CDIN1: variants seen among roughly 807,000 people sequenced by gnomAD.
CDIN1 encodes the protein CDAN1-interacting nuclease 1.
CDIN1 carries 33 observed loss-of-function variants against 45.3 expected under a neutral mutation model. The observed-to-expected ratio is 0.73, with a 90% CI of 0.55 to 0.97. The LOEUF is 0.97. CDIN1 is among the 50% of genes least tolerant of loss of function. The probability of loss-of-function intolerance (pLI) is 0.00; values close to 1 mark genes in which losing one functional copy is unlikely to be tolerated. For synonymous variants in CDIN1, 118 were observed against 124.4 expected (o/e 0.95, Z 0.34); for missense variants, 303 against 339.4 (o/e 0.89, Z 0.84).
intron 1 of CDIN1, among the ~76,000 whole-genome samples, chr15:36,622,662 T>C (rs1170451960): frequency 6.6e-6 from 1 of 152,240 alleles, no homozygotes; most frequent in African/African-American, 2.4e-5. Flanking sequence ...ATGGGACTTA[T>C]CCTTGGATGC....
rs990616056 is a variant in CDIN1 at position 36,684,244 on chromosome 15, G to A, written c.347-7441G>A. ...GATAGCTCTTATTATTTTGAAATAC[G>A]TCCCATCAATACCTAATTTATTGAG... On this transcript the variant is annotated intron_variant, in intron 5 of 10. Coordinates refer to ENST00000566621, the MANE Select transcript of CDIN1 (RefSeq NM_001321759.2). 1.9e-3 allele frequency among the ~76,000 whole-genome samples: 288 copies of A among 151,102 alleles called. 2 individuals carry two copies. Among genetic ancestry groups the A allele is most frequent in the South Asian group, 0.013 (60 of 4,734 alleles).
chr15:36,594,522 A>G, intron 1 of CDIN1, among the ~76,000 whole-genome samples: 1 of 152,300 alleles, frequency 6.6e-6, no homozygotes, highest in East Asian at 1.9e-4. Flanking sequence ...GGACGATTGT[A>G]TTCTGCACTG....
chr15:36,770,877 A>C (rs2054059521), intron 10 of CDIN1, among the ~76,000 whole-genome samples: 1 of 152,226 alleles, frequency 6.6e-6, no homozygotes, highest in African/African-American at 2.4e-5. Context: ...CCTGGTAGCT[A>C]TAAAAATGCT....
intron 10 of CDIN1, among the ~76,000 whole-genome samples, chr15:36,710,875 G>A (rs2043033246): frequency 6.6e-6 from 1 of 152,120 alleles, no homozygotes; most frequent in South Asian, 2.1e-4. Flanking sequence ...TTGTTACTCA[G>A]CTTTACAAAA....
chr15:36,677,827 G>T (rs1162022289), intron 5 of CDIN1, among the ~76,000 whole-genome samples: 5 of 152,160 alleles, frequency 3.3e-5, no homozygotes, highest in Admixed American at 6.6e-5. Flanking sequence ...GAAGTTGTGT[G>T]TGTGAGTGTG....
At chr15:36,700,290 TATTGC>T (rs1206708835) in intron 8 of CDIN1, among the ~76,000 whole-genome samples, 2 of 152,206 alleles carry the variant, frequency 1.3e-5, no homozygotes, top group African/African-American at 4.8e-5. Context: ...TCAAGCACCG[TATTGC>T]ATGTGTGATC....
intron 8 of CDIN1, among the ~76,000 whole-genome samples, chr15:36,700,265 T>C (rs1038290376): frequency 6.6e-6 from 1 of 152,192 alleles, no homozygotes; most frequent in Non-Finnish European, 1.5e-5. Flanking sequence ...CACTCTGTGC[T>C]CCCAGTGCTC....
chr15:36,657,721 T>TA, intron 4 of CDIN1, 112 bp from the exon 5 acceptor site: 1 of 760,872 alleles, frequency 1.3e-6, no homozygotes, highest in Non-Finnish European at 2.1e-6. Flanking sequence ...TAATGAATGA[T>TA]GCTTGCTATG....
At chr15:36,643,791 T>C (rs1228025606) in intron 1 of CDIN1, among the ~76,000 whole-genome samples, 2 of 152,226 alleles carry the variant, frequency 1.3e-5, no homozygotes, top group Non-Finnish European at 2.9e-5. Context: ...CAGTGACCAC[T>C]GTGCTACTTC....
chr15:36,620,882 C>A (rs181006454), intron 1 of CDIN1, among the ~76,000 whole-genome samples: 1 of 152,062 alleles, frequency 6.6e-6, no homozygotes, highest in East Asian at 1.9e-4. Context: ...CCAAAAAATA[C>A]AGTTTGGAAT....
intron 1 of CDIN1, among the ~76,000 whole-genome samples, chr15:36,628,461 C>G: frequency 6.6e-6 from 1 of 152,234 alleles, no homozygotes; most frequent in East Asian, 1.9e-4. Flanking sequence ...TATATTCTTT[C>G]CAATATAGAT....
chr15:36,790,277 G>A (rs1183329883), intron 10 of CDIN1: 1 of 152,224 alleles, frequency 6.6e-6, no homozygotes, highest in Non-Finnish European at 1.5e-5. Context: ...ATCTTTCCCA[G>A]CTCTAAACTC....
chr15:36,717,913 C>T lies in CDIN1; in HGVS notation c.716+7952C>T, dbSNP rs904948786. On this transcript the variant is annotated intron_variant, in intron 10 of 10. Coordinates refer to ENST00000566621, the MANE Select transcript of CDIN1 (RefSeq NM_001321759.2). ...ATGTGTTAATGTGATTTTTAATTTG[C>T]ATTTTTCTAATGATAAATTATATTG... 1.4e-4 allele frequency among the ~76,000 whole-genome samples: 22 copies of T among 152,046 alleles called. No homozygotes were observed. In the South Asian group the frequency reaches 1.5e-3, roughly 10 times the overall value.
chr15:36,686,359 A>G (rs1006336060), intron 5 of CDIN1, among the ~76,000 whole-genome samples: 2 of 139,336 alleles, frequency 1.4e-5, no homozygotes, highest in African/African-American at 2.7e-5. Context: ...GAATTGAGCA[A>G]TGAGAACACA....
chr15:36,594,875 A>G, intron 1 of CDIN1: 1 of 985,416 alleles, frequency 1.0e-6, no homozygotes, highest in Non-Finnish European at 1.2e-6. Context: ...TGGCTCTTTA[A>G]TACCACCCCA....
At chr15:36,647,969 G>A (rs181518603) in intron 3 of CDIN1, among the ~76,000 whole-genome samples, 5 of 151,740 alleles carry the variant, frequency 3.3e-5, no homozygotes, top group Admixed American at 6.6e-5. Context: ...CCTCCTGGGT[G>A]GCTGGGACTA....
At chr15:36,803,764 T>C (rs1031967551) in intron 10 of CDIN1, among the ~76,000 whole-genome samples, 5 of 152,292 alleles carry the variant, frequency 3.3e-5, no homozygotes, top group Admixed American at 6.5e-5. Flanking sequence ...TTAGTGAACC[T>C]TGACTGTTCA....
At chr15:36,706,069 T>G (rs1046531085) in intron 8 of CDIN1, 3 of 152,214 alleles carry the variant, frequency 2.0e-5, no homozygotes, top group African/African-American at 7.2e-5. Flanking sequence ...TAGTTTCCAC[T>G]TAGAAAATTC....
At chr15:36,804,412 A>G (rs1387618636) in intron 10 of CDIN1, among the ~76,000 whole-genome samples, 1 of 152,046 alleles carries the variant, frequency 6.6e-6, no homozygotes. Flanking sequence ...AAGCTGTCTG[A>G]TCATCTTAGT....
Sources: allele counts gnomAD v4.1 joint callset (sites outside exome capture counted in the v4.1 genomes callset), GRCh38; gene constraint gnomAD v4.1.1; transcripts MANE v1.5; gene names NCBI Gene and HGNC (gene_info 2026-07-23, HGNC 2026-07-21).